Variants in ME3 observed in about 807,000 individuals in gnomAD.
ME3 encodes the protein malic enzyme 3.
ME3 carries 48 observed loss-of-function variants against 68.9 expected under a neutral mutation model. That is an observed-to-expected ratio of 0.70 (90% CI 0.55 to 0.89). ME3 has a LOEUF of 0.89. ME3 is among the 40% of genes least tolerant of loss of function. The pLI is 0.00. For missense variants in ME3, 675 were observed against 797.4 expected, an observed-to-expected ratio of 0.85 and a Z score of 1.85; for synonymous variants, 320 against 318.8, an observed-to-expected ratio of 1.00 and a Z score of -0.04.
chr11:86,471,524 T>C (rs1950783490), intron 7 of ME3, among the ~76,000 whole-genome samples: 1 of 152,252 alleles, frequency 6.6e-6, no homozygotes, highest in Non-Finnish European at 1.5e-5. Flanking sequence ...TCCCGTGATA[T>C]TCTGGACATA....
intron 2 of ME3, among the ~76,000 whole-genome samples, chr11:86,620,388 T>G (rs1943270725): frequency 6.6e-6 from 1 of 152,236 alleles, no homozygotes; most frequent in Admixed American, 6.5e-5. Flanking sequence ...ATTTCTTCTC[T>G]TATTGAAAAG....
intron 2 of ME3, among the ~76,000 whole-genome samples, chr11:86,657,330 A>C (rs554866009): frequency 6.6e-6 from 1 of 152,254 alleles, no homozygotes. Flanking sequence ...GACATGGATG[A>C]AGCTGGAAGC....
chr11:86,626,694 T>C (rs1026844060), intron 2 of ME3, among the ~76,000 whole-genome samples: 7 of 152,228 alleles, frequency 4.6e-5, no homozygotes, highest in African/African-American at 1.4e-4. Context: ...AAAAACTTTG[T>C]TGCATTTTCT....
chr11:86,582,243 G>T (rs746085972), intron 2 of ME3, among the ~76,000 whole-genome samples: 1 of 152,170 alleles, frequency 6.6e-6, no homozygotes, highest in Non-Finnish European at 1.5e-5. Flanking sequence ...TCCTCTGTTG[G>T]GAATGACCTT....
In ME3 at chr11:86,475,902, A is replaced by AGAGAGAG. The variant is rs1565830505; in HGVS notation, c.810-10703_810-10702insCTCTCTC. Among the ~76,000 whole-genome samples, 26 of 93,308 alleles carry AGAGAGAG rather than the reference A, an allele frequency of 2.8e-4. 1 individual carries two copies. Among genetic ancestry groups the AGAGAGAG allele is most frequent in the African/African-American group, 7.8e-4 (18 of 23,114 alleles). The allele number at this position is 93,308 out of a possible 152,430, so 61.2% of individuals were successfully genotyped here. A position where few individuals can be genotyped will look rare whatever the true frequency, so the allele number is the denominator to read the frequency against. ...AGAGAGAGAGAGAGAGAGAGAGAGA[A>AGAGAGAG]AGAGAAAGAGAGAGAGAGAGAGCAG... On this transcript the variant is annotated intron_variant, in intron 7 of 14. Transcript: ENST00000543262.
At chr11:86,440,305 A>G (rs911949347), downstream of ME3, among the ~76,000 whole-genome samples, 2 of 152,156 alleles carry the variant, frequency 1.3e-5, no homozygotes, top group African/African-American at 4.8e-5. Flanking sequence ...CCCCACCCCT[A>G]TGATATGGGC....
intron 8 of ME3, among the ~76,000 whole-genome samples, chr11:86,459,093 C>A (rs1056334898): frequency 1.3e-5 from 2 of 152,098 alleles, no homozygotes; most frequent in Non-Finnish European, 2.9e-5. Flanking sequence ...ATGCATTATC[C>A]TGGGGGAAGT....
chr11:86,444,610 T>C (rs1949181190), intron 13 of ME3, among the ~76,000 whole-genome samples: 1 of 152,180 alleles, frequency 6.6e-6, no homozygotes, highest in East Asian at 1.9e-4. Flanking sequence ...GCACTGGCAA[T>C]GCTCTTCAGC....
chr11:86,486,685 T>C (rs1471551561), intron 7 of ME3, among the ~76,000 whole-genome samples: 1 of 152,214 alleles, frequency 6.6e-6, no homozygotes, highest in Non-Finnish European at 1.5e-5. Flanking sequence ...CCAGCTCTTC[T>C]CTCAGAGTAA....
intron 7 of ME3, among the ~76,000 whole-genome samples, chr11:86,474,141 C>G (rs1433310459): frequency 6.6e-6 from 1 of 152,186 alleles, no homozygotes; most frequent in Non-Finnish European, 1.5e-5. Context: ...AGCTCCCAGA[C>G]TGGGAGATTC....
intron 4 of ME3, among the ~76,000 whole-genome samples, chr11:86,540,165 A>T (rs1164613824): frequency 2.0e-5 from 3 of 152,244 alleles, no homozygotes; most frequent in Admixed American, 2.0e-4. Flanking sequence ...CCATACAGGG[A>T]ATAGAGGCCC....
At chr11:86,441,324 G>C in exon 15 of ME3, 1 of 1,611,888 alleles carries the variant, frequency 6.2e-7, no homozygotes, top group Non-Finnish European at 8.5e-7. Context: ...AAGTGTAGCT[G>C]TCCAGTGTAA....
chr11:86,447,984 A>G (rs959482309), intron 11 of ME3, among the ~76,000 whole-genome samples, 166 bp downstream of exon 11: 4 of 152,086 alleles, frequency 2.6e-5, no homozygotes, highest in African/African-American at 9.7e-5. Flanking sequence ...TGTGGTTTCT[A>G]TACAATAGTC....
intron 2 of ME3, among the ~76,000 whole-genome samples, chr11:86,650,484 T>C (rs1431632709): frequency 1.3e-5 from 2 of 152,202 alleles, no homozygotes; most frequent in Non-Finnish European, 2.9e-5. Flanking sequence ...AAAGAGCTTC[T>C]GCACAGCAAA....
intron 5 of ME3, among the ~76,000 whole-genome samples, chr11:86,504,526 G>C (rs1218887143): frequency 6.6e-6 from 1 of 151,522 alleles, no homozygotes; most frequent in Non-Finnish European, 1.5e-5. Flanking sequence ...GAGAAGCTGG[G>C]AGGACTACAG....
At chr11:86,483,317 TG>T (rs1951516904) in intron 7 of ME3, among the ~76,000 whole-genome samples, 1 of 152,170 alleles carries the variant, frequency 6.6e-6, no homozygotes, top group African/African-American at 2.4e-5. Flanking sequence ...CAAGCGGGGT[TG>T]GCTCTGGAAG....
At chr11:86,456,859 T>C (rs1045113983) in intron 8 of ME3, among the ~76,000 whole-genome samples, 3 of 152,212 alleles carry the variant, frequency 2.0e-5, no homozygotes, top group African/African-American at 7.2e-5. Context: ...GCACAGGATT[T>C]GCTCAATTAA....
chr11:86,635,663 C>G (rs1307332860), intron 2 of ME3, among the ~76,000 whole-genome samples: 1 of 152,228 alleles, frequency 6.6e-6, no homozygotes, highest in East Asian at 1.9e-4. Context: ...CTGTCTCTGT[C>G]TTGCAGGCTT....
At chr11:86,589,045 C>T (rs1958902488) in intron 2 of ME3, among the ~76,000 whole-genome samples, 3 of 152,172 alleles carry the variant, frequency 2.0e-5, no homozygotes, top group Admixed American at 1.3e-4. Flanking sequence ...AGAAAAGCTT[C>T]CTCTTTTATT....
Sources: gnomAD v4.1 joint callset for allele counts (sites outside exome capture counted in the v4.1 genomes callset) on GRCh38, gnomAD v4.1.1 for gene constraint, MANE v1.5 for transcripts, NCBI Gene and HGNC (gene_info 2026-07-23, HGNC 2026-07-21) for gene names.